The following SYN3 variants were observed in gnomAD, a reference collection of about 807,000 sequenced individuals.
SYN3 encodes the protein synapsin-3.
A neutral mutation model predicts 65.8 loss-of-function variants in SYN3; 35 were observed. The observed-to-expected ratio is 0.53, with a 90% confidence interval of 0.41 to 0.70. SYN3 has a LOEUF of 0.70. Ranked by LOEUF, SYN3 falls within the 30% of genes least tolerant of loss-of-function variation. The probability of loss-of-function intolerance (pLI) is 0.00; values close to 1 mark genes in which losing one functional copy is unlikely to be tolerated. For synonymous variants in SYN3, 270 were observed against 292.9 expected (o/e 0.92, Z 0.80); for missense variants, 680 against 749.0 (o/e 0.91, Z 1.08).
chr22:32,562,237 A>C, intron 7 of SYN3, among the ~76,000 whole-genome samples: 1 of 152,214 alleles, frequency 6.6e-6, no homozygotes. Context: ...GTTTTATAAA[A>C]GTTGCCGAAA....
intron 6 of SYN3, among the ~76,000 whole-genome samples, chr22:32,687,867 C>A (rs4821086): frequency 0.1 from 15,158 of 152,146 alleles, 827 homozygotes; most frequent in African/African-American, 0.15. Context: ...ATGTAAGTGT[C>A]GGCTGTTGTG....
intron 3 of SYN3, among the ~76,000 whole-genome samples, chr22:32,974,665 T>G (rs1569369619): frequency 6.6e-6 from 1 of 152,124 alleles, no homozygotes; most frequent in Non-Finnish European, 1.5e-5. Flanking sequence ...TGTGTGTGCA[T>G]GTAAGAGGGA....
chr22:32,616,777 AAAG>A (rs2059526794), intron 6 of SYN3, among the ~76,000 whole-genome samples: 1 of 152,218 alleles, frequency 6.6e-6, no homozygotes, highest in African/African-American at 2.4e-5. Flanking sequence ...CTATAGAAGC[AAAG>A]AAGAGTGAGT....
At chr22:32,972,502 T>C (rs1261705376) in intron 3 of SYN3, among the ~76,000 whole-genome samples, 2 of 152,192 alleles carry the variant, frequency 1.3e-5, no homozygotes, top group Non-Finnish European at 2.9e-5. Flanking sequence ...CTATGGGAGC[T>C]GAAAGCCTAA....
intron 6 of SYN3, among the ~76,000 whole-genome samples, chr22:32,625,546 G>A (rs547862083): frequency 3.3e-5 from 5 of 152,288 alleles, no homozygotes; most frequent in South Asian, 2.1e-4. Flanking sequence ...TGGTCCAGAC[G>A]GAATAAATAG....
intron 1 of SYN3, among the ~76,000 whole-genome samples, chr22:33,011,211 T>C (rs2053344217): frequency 6.6e-6 from 1 of 152,212 alleles, no homozygotes; most frequent in Non-Finnish European, 1.5e-5. Flanking sequence ...CTAGAGGTTT[T>C]TGGTAAATCC....
At chr22:32,589,437 A>T (rs1439762298) in intron 7 of SYN3, among the ~76,000 whole-genome samples, 1 of 152,198 alleles carries the variant, frequency 6.6e-6, no homozygotes, top group Non-Finnish European at 1.5e-5. Flanking sequence ...CAAAATGCTC[A>T]TGTCACATCC....
chr22:32,631,720 C>A (rs542622944), intron 6 of SYN3, among the ~76,000 whole-genome samples: 1 of 152,272 alleles, frequency 6.6e-6, no homozygotes, highest in Admixed American at 6.5e-5. Context: ...AATCCTCCCA[C>A]CATCCTATGA....
At chr22:32,563,179 G>A (rs2058611840) in intron 7 of SYN3, among the ~76,000 whole-genome samples, 1 of 152,232 alleles carries the variant, frequency 6.6e-6, no homozygotes, top group South Asian at 2.1e-4. Flanking sequence ...CTATAGGTAA[G>A]AGGTTTAAGT....
chr22:33,053,358 G>A (rs1305342399), intron 1 of SYN3, among the ~76,000 whole-genome samples: 3 of 152,162 alleles, frequency 2.0e-5, no homozygotes, highest in East Asian at 1.9e-4. Context: ...AGGAGGCGGA[G>A]GTTGCAGTGA....
chr22:33,001,166 C>G (rs1007193968), intron 2 of SYN3, among the ~76,000 whole-genome samples: 1 of 152,086 alleles, frequency 6.6e-6, no homozygotes, highest in Non-Finnish European at 1.5e-5. Context: ...CACTGAGGGG[C>G]AAGAACACCA....
At chr22:32,987,351 C>T (rs751009673) in intron 2 of SYN3, among the ~76,000 whole-genome samples, 1 of 152,104 alleles carries the variant, frequency 6.6e-6, no homozygotes, top group Non-Finnish European at 1.5e-5. Flanking sequence ...AAGAGAGTCA[C>T]GTGGCAGGCT....
intron 3 of SYN3, among the ~76,000 whole-genome samples, chr22:32,971,702 T>C (rs1179435461): frequency 6.6e-6 from 1 of 152,174 alleles, no homozygotes; most frequent in African/African-American, 2.4e-5. Flanking sequence ...GTGACCTCTA[T>C]GGAAAGTAAT....
At chr22:32,937,985 T>C (rs977979873) in intron 3 of SYN3, among the ~76,000 whole-genome samples, 1 of 152,166 alleles carries the variant, frequency 6.6e-6, no homozygotes, top group African/African-American at 2.4e-5. Context: ...AAAGTTTTTC[T>C]ACATTTAATG....
intron 6 of SYN3, among the ~76,000 whole-genome samples, chr22:32,715,547 G>A (rs1465358561): frequency 2.6e-5 from 4 of 152,112 alleles, no homozygotes; most frequent in South Asian, 2.1e-4. Context: ...TTGGGAGGCC[G>A]AGGTGGGTGG....
intron 6 of SYN3, among the ~76,000 whole-genome samples, chr22:32,708,487 A>G (rs1601952025): frequency 6.6e-6 from 1 of 152,174 alleles, no homozygotes; most frequent in Non-Finnish European, 1.5e-5. Flanking sequence ...GCAGTTGAAG[A>G]CATTTTTCCA....
At chr22:32,545,823 A>G (rs1008476917) in intron 7 of SYN3, among the ~76,000 whole-genome samples, 1 of 152,182 alleles carries the variant, frequency 6.6e-6, no homozygotes, top group Non-Finnish European at 1.5e-5. Context: ...AGCCTCCTAA[A>G]ATGTTGGGAT....
At chr22:32,653,473 A>G (rs2146962630) in intron 6 of SYN3, among the ~76,000 whole-genome samples, 1 of 152,376 alleles carries the variant, frequency 6.6e-6, no homozygotes, top group Admixed American at 6.5e-5. Context: ...AGGAGGTTAG[A>G]AAACAAGGTA....
In SYN3 at chr22:32,509,670, G is replaced by A. The variant is rs904536733; in HGVS notation, c.*4022C>T. ...TGCAAGCTCCGCCTCCCGGGTTCACGCCATTCTCCTGCCTCAGCCTCCCTA... is the reference window on the plus strand; with the variant it reads ...TGCAAGCTCCGCCTCCCGGGTTCACACCATTCTCCTGCCTCAGCCTCCCTA... On this transcript the variant is annotated 3_prime_UTR_variant, in exon 14 of 14. Coordinates refer to ENST00000358763, the MANE Select transcript of SYN3 (RefSeq NM_003490.4). Among the ~76,000 whole-genome samples the A allele has an allele frequency of 4.6e-5, 7 of 152,006 alleles. No homozygotes were observed. Among genetic ancestry groups the A allele is most frequent in the Admixed American group, 6.6e-5 (1 of 15,256 alleles).
Sources: gnomAD v4.1 joint callset for allele counts (sites outside exome capture counted in the v4.1 genomes callset) on GRCh38, gnomAD v4.1.1 for gene constraint, MANE v1.5 for transcripts, NCBI Gene and HGNC (gene_info 2026-07-23, HGNC 2026-07-21) for gene names.